ASH1L: variants seen among roughly 807,000 people sequenced by gnomAD.
ASH1L encodes the protein histone-lysine N-methyltransferase ASH1L.
Under a neutral mutation model 269.0 loss-of-function variants are expected in ASH1L, and 23 were observed. The observed-to-expected ratio is 0.09, with a 90% CI of 0.06 to 0.12. ASH1L has a LOEUF of 0.12. ASH1L is among the 10% of genes least tolerant of loss of function. The pLI, the probability that ASH1L is intolerant of heterozygous loss-of-function variation, is 1.00. For missense variants in ASH1L, 2,912 were observed against 3,567.8 expected (o/e 0.82, Z 4.68); for synonymous variants, 1,187 against 1,253.5 (o/e 0.95, Z 1.12).
At chr1:155,489,364 C>A (rs61812092) in intron 2 of ASH1L, among the ~76,000 whole-genome samples, 1 of 151,556 alleles carries the variant, frequency 6.6e-6, no homozygotes, top group Non-Finnish European at 1.5e-5. Flanking sequence ...ATCCTAGCTA[C>A]TCAGGAGGCT....
intron 25 of ASH1L, among the ~76,000 whole-genome samples, chr1:155,340,615 T>C (rs972601083): frequency 3.9e-5 from 6 of 152,136 alleles, no homozygotes; most frequent in African/African-American, 1.4e-4. Flanking sequence ...TCAAAATCTT[T>C]ATGGAATGAT....
intron 1 of ASH1L, among the ~76,000 whole-genome samples, chr1:155,538,418 C>T (rs1444904070): frequency 2.6e-5 from 4 of 151,734 alleles, no homozygotes; most frequent in Non-Finnish European, 5.9e-5. Flanking sequence ...AATGCAATGG[C>T]GCAATCTCGG....
chr1:155,361,454 T>C (rs1268623981), intron 12 of ASH1L, among the ~76,000 whole-genome samples: 1 of 133,100 alleles, frequency 7.5e-6, no homozygotes, highest in East Asian at 2.2e-4. Context: ...GAGGCGGAGG[T>C]TGCAGTGAGT....
intron 1 of ASH1L, among the ~76,000 whole-genome samples, chr1:155,527,561 A>C (rs1669350266): frequency 7.4e-6 from 1 of 134,570 alleles, no homozygotes; most frequent in African/African-American, 2.8e-5. Context: ...TTTTGAGTCA[A>C]GGTCTCTCTC....
At chr1:155,441,445 T>G (rs1408408756) in intron 4 of ASH1L, among the ~76,000 whole-genome samples, 1 of 117,648 alleles carries the variant, frequency 8.5e-6, no homozygotes, top group Non-Finnish European at 1.8e-5. Flanking sequence ...GATATTTGAA[T>G]AAAGAATCCT....
Position 155,380,135 on chromosome 1 carries a change from T to TTAA in ASH1L, c.6104-22_6104-20dup, listed in dbSNP as rs1218619936. ...TACTTTCCTGAAACAAAAAACACTA[T>TTAA]TAATTTCAATACCTTTTCTAATATT... is the stretch of plus-strand genomic sequence containing the variant. On this transcript the variant is annotated intron_variant, in intron 7 of 27. Transcript: ENST00000392403. 3 of 1,571,786 alleles carry TTAA rather than the reference T, an allele frequency of 1.9e-6. No homozygotes were observed. Among genetic ancestry groups the TTAA allele is most frequent in the Non-Finnish European group, 2.6e-6 (3 of 1,141,946 alleles).
intron 6 of ASH1L, among the ~76,000 whole-genome samples, chr1:155,400,504 T>C (rs1658738596): frequency 6.6e-6 from 1 of 152,172 alleles, no homozygotes; most frequent in African/African-American, 2.4e-5. Context: ...GTACTATTTA[T>C]CATTGCCATT....
intron 12 of ASH1L, among the ~76,000 whole-genome samples, chr1:155,365,502 C>T (rs897644481): frequency 4.6e-5 from 7 of 151,670 alleles, no homozygotes; most frequent in African/African-American, 1.7e-4. Context: ...GGATTACAGG[C>T]ATGAGCCACC....
At chr1:155,493,962 C>A (rs1450876240) in intron 2 of ASH1L, among the ~76,000 whole-genome samples, 1 of 151,888 alleles carries the variant, frequency 6.6e-6, no homozygotes, top group East Asian at 1.9e-4. Flanking sequence ...AAAAAAAAAT[C>A]CAAAAACATC....
intron 6 of ASH1L, among the ~76,000 whole-genome samples, chr1:155,402,793 A>G (rs1475540520): frequency 1.3e-5 from 2 of 151,702 alleles, no homozygotes; most frequent in East Asian, 3.9e-4. Flanking sequence ...GCCTCAAGCA[A>G]TCCTCCTACC....
At chr1:155,558,500 T>C (rs1671751535) in intron 1 of ASH1L, among the ~76,000 whole-genome samples, 1 of 152,118 alleles carries the variant, frequency 6.6e-6, no homozygotes, top group African/African-American at 2.4e-5. Context: ...AGTGATGTGC[T>C]GTATTCTATT....
chr1:155,492,356 C>T (rs1394990562), intron 2 of ASH1L, among the ~76,000 whole-genome samples: 3 of 152,136 alleles, frequency 2.0e-5, no homozygotes, highest in African/African-American at 4.8e-5. Flanking sequence ...TTTTCTTATA[C>T]TTGGAAAAAT....
At chr1:155,427,435 G>A (rs189830251) in intron 5 of ASH1L, among the ~76,000 whole-genome samples, 1,977 of 152,096 alleles carry the variant, frequency 0.013, 27 homozygotes, top group Non-Finnish European at 0.018. Context: ...AGGCTCCTGA[G>A]TAGCTGGGAC....
At chr1:155,562,898 G>GC (rs539224642), upstream of ASH1L, 1,331 of 406,462 alleles carry the variant, frequency 3.3e-3, 14 homozygotes, top group African/African-American at 0.028. Context: ...GCCGCCGCCA[G>GC]CCCCCCCTAC....
chr1:155,349,884 C>CTTTTTT (rs1299756334), intron 17 of ASH1L, among the ~76,000 whole-genome samples: 1 of 97,698 alleles, frequency 1.0e-5, no homozygotes, highest in African/African-American at 3.9e-5. Flanking sequence ...CGCCAAGCTA[C>CTTTTTT]TTTTTTTTTT....
chr1:155,335,497 A>C lies in ASH1L; in HGVS notation c.*2163T>G, dbSNP rs1652233566. On this transcript the variant is annotated 3_prime_UTR_variant, in exon 28 of 28. Transcript: ENST00000392403. ...GCAGACTAACTCTGTATCTATTTGC[A>C]GTGATGTAGTGCTTTGCCCCGCATT... 3 of 152,782 alleles carry C rather than the reference A, an allele frequency of 2.0e-5. No homozygotes were observed. 9.5% of individuals were successfully genotyped at this position (152,782 alleles called of 1,614,324 possible). A position where few individuals can be genotyped will look rare whatever the true frequency, so the allele number is the denominator to read the frequency against.
At chr1:155,445,899 T>G (rs77380083) in intron 4 of ASH1L, among the ~76,000 whole-genome samples, 1,593 of 152,120 alleles carry the variant, frequency 0.01, 13 homozygotes, top group Non-Finnish European at 0.017. Flanking sequence ...CATTTTTTAT[T>G]TTTTATTTTT....
At chr1:155,553,626 T>C (rs1007401627) in intron 1 of ASH1L, among the ~76,000 whole-genome samples, 1 of 152,192 alleles carries the variant, frequency 6.6e-6, no homozygotes, top group African/African-American at 2.4e-5. Context: ...AAAGCCTGGC[T>C]CTTCCCACTT....
At chr1:155,423,906 T>C (rs1053562287) in intron 5 of ASH1L, among the ~76,000 whole-genome samples, 1 of 152,084 alleles carries the variant, frequency 6.6e-6, no homozygotes, top group Non-Finnish European at 1.5e-5. Context: ...TTTGTATTTT[T>C]AGTAGAGACA....
Sources: gnomAD v4.1 joint callset for allele counts (sites outside exome capture counted in the v4.1 genomes callset) on GRCh38, gnomAD v4.1.1 for gene constraint, MANE v1.5 for transcripts, NCBI Gene and HGNC (gene_info 2026-07-23, HGNC 2026-07-21) for gene names.